FOXE3: variants seen among roughly 807,000 people sequenced by gnomAD.
FOXE3 encodes the protein forkhead box protein E3.
For missense variants in FOXE3, 520 were observed against 507.8 expected (o/e 1.02, Z -0.23); for synonymous variants, 274 against 258.3 (o/e 1.06, Z -0.58).
chr1:47,417,338 A>G lies in FOXE3; in HGVS notation c.*63A>G. The G allele has an allele frequency of 2.4e-6, 3 of 1,271,676 alleles. No homozygotes were observed. The highest frequency in any genetic ancestry group is 2.3e-5 in the South Asian group (1 of 44,208). 78.8% of individuals were successfully genotyped at this position (1,271,676 alleles called of 1,614,324 possible). ...CCCCGGACCTGCGGCGCCGCCCTCG[A>G]GCGCCCCATCTCTACCCCCCACCCT... On this transcript the variant is annotated 3_prime_UTR_variant, in exon 1 of 1. Transcript: ENST00000335071. This position sits in a 1 kb window ranked among gnomAD's most constrained non-coding sequence, Gnocchi z 4.3.
At position 47,416,981 on chromosome 1, in the gene FOXE3, G is replaced by A. The variant is rs959738363; in HGVS notation, c.666G>A (p.Leu222=). 2 of 1,353,970 alleles carry A rather than the reference G, an allele frequency of 1.5e-6. No homozygotes were observed. The highest frequency in any genetic ancestry group is 2.9e-5 in the Admixed American group (1 of 34,740). 83.9% of individuals were successfully genotyped at this position (1,353,970 alleles called of 1,614,324 possible). A position where few individuals can be genotyped will look rare whatever the true frequency, so the allele number is the denominator to read the frequency against. ...CGCGTCTGTTCAGCGTCGACAGCCTGGTGAACCTGCAGCCGGAGCTAGCGG... is the reference window on the plus strand; with the variant it reads ...CGCGTCTGTTCAGCGTCGACAGCCTAGTGAACCTGCAGCCGGAGCTAGCGG... ...PPARLFSVDS[L]VNLQPELAGL... is the part of the protein sequence containing the mutation. Residue 222 remains leucine (L), a synonymous_variant, in exon 1 of 1, where the codon CTG becomes CTA. Transcript: ENST00000335071. This position sits in a 1 kb window ranked among gnomAD's most constrained non-coding sequence, Gnocchi z 4.2.
rs2124043946 is a variant in FOXE3, at chr1:47,417,004, CG to C, written c.693del (p.Leu232TrpfsTer75). On this transcript the variant is annotated frameshift_variant, in exon 1 of 1. Coordinates refer to ENST00000335071, the MANE Select transcript of FOXE3 (RefSeq NM_012186.3). LOFTEE classifies it low-confidence loss of function (END_TRUNC). This position sits in a 1 kb window ranked among gnomAD's most constrained non-coding sequence, Gnocchi z 4.3. The part of the protein sequence containing the change: ...DSLVNLQPEL[A>X]GLGAPEPPCC... ...CTGGTGAACCTGCAGCCGGAGCTAG[CG>C]GGGCTGGGCGCCCCCGAGCCGCCCT... The C allele has an allele frequency of 7.4e-7, 1 of 1,346,280 alleles. No individual in the cohort carries two copies. The highest frequency in any genetic ancestry group is 9.6e-7 in the Non-Finnish European group (1 of 1,043,144). The allele number at this position is 1,346,280 out of a possible 1,614,324, so 83.4% of individuals were successfully genotyped here.
rs987338457 is a variant in FOXE3 at position 47,417,162 on chromosome 1, G to A, written c.847G>A (p.Ala283Thr). 5 of 1,403,270 alleles carry A rather than the reference G, an allele frequency of 3.6e-6. No individual in the cohort carries two copies. The highest frequency in any genetic ancestry group is 1.5e-5 in the South Asian group (1 of 66,016). 86.9% of individuals were successfully genotyped at this position (1,403,270 alleles called of 1,614,324 possible). A position where few individuals can be genotyped will look rare whatever the true frequency, so the allele number is the denominator to read the frequency against. Residue 283 changes from alanine (A) to threonine (T), a missense_variant, in exon 1 of 1, where the codon GCT (alanine) becomes ACT (threonine). Ala to Thr is a moderately conservative substitution (Grantham distance 58). Transcript: ENST00000335071. The surrounding 1 kb of genome is among the most constrained non-coding windows in gnomAD (Gnocchi z 4.3). The stretch of plus-strand genomic sequence containing the variant: ...GCGCCCCGGCCCCGGCCCGCTGCCC[G>A]CTGAGCCCCTCCTGGCCTTGGCCGG... Reference protein sequence around the residue: ...ATRPGPGPLPAEPLLALAGPA... With the variant: ...ATRPGPGPLPTEPLLALAGPA...
chr1:47,417,358 C>G lies in FOXE3; in HGVS notation c.*83C>G, dbSNP rs995001087. 1.7e-4 allele frequency: 193 copies of G among 1,164,334 alleles called. 1 individual carries two copies. The highest frequency in any genetic ancestry group is 1.9e-4 in the Non-Finnish European group (169 of 909,544). The allele number at this position is 1,164,334 out of a possible 1,614,324, so 72.1% of individuals were successfully genotyped here. On this transcript the variant is annotated 3_prime_UTR_variant, in exon 1 of 1. Transcript: ENST00000335071. This position sits in a 1 kb window ranked among gnomAD's most constrained non-coding sequence, Gnocchi z 4.3. ...CCTCGAGCGCCCCATCTCTACCCCC[C>G]ACCCTGGCTTGGAGCACACCCTGCG...
In FOXE3 at chr1:47,416,404, C is replaced by T; in HGVS notation, c.89C>T (p.Ser30Leu). 7.7e-7 allele frequency: 1 copy of T among 1,300,138 alleles called. No homozygotes were observed. Among genetic ancestry groups the T allele is most frequent in the Non-Finnish European group, 9.8e-7 (1 of 1,017,368 alleles). The allele number at this position is 1,300,138 out of a possible 1,614,324, so 80.5% of individuals were successfully genotyped here. ...PAVAPSGPPPSPLAGAEPGRE... is the reference protein window; with the variant it reads ...PAVAPSGPPPLPLAGAEPGRE... Reference sequence around the variant, plus strand: ...GTCGCGCCGTCGGGGCCGCCGCCGTCGCCGCTCGCAGGAGCCGAGCCAGGG... The same window carrying T: ...GTCGCGCCGTCGGGGCCGCCGCCGTTGCCGCTCGCAGGAGCCGAGCCAGGG... Residue 30 changes from serine (S) to leucine (L), a missense_variant, in exon 1 of 1, where the codon TCG becomes TTG. By Grantham distance (145) the Ser-to-Leu change is moderately radical. Coordinates refer to ENST00000335071, the MANE Select transcript of FOXE3 (RefSeq NM_012186.3). The surrounding 1 kb of genome is among the most constrained non-coding windows in gnomAD (Gnocchi z 4.2).
chr1:47,416,988 C>A lies in FOXE3; in HGVS notation c.673C>A (p.Leu225Met). Residue 225 changes from leucine (L) to methionine (M), a missense_variant, in exon 1 of 1, where the codon CTG becomes ATG. Transcript: ENST00000335071. This position sits in a 1 kb window ranked among gnomAD's most constrained non-coding sequence, Gnocchi z 4.2. ...GTTCAGCGTCGACAGCCTGGTGAAC[C>A]TGCAGCCGGAGCTAGCGGGGCTGGG... is the stretch of plus-strand genomic sequence containing the variant. Reference protein sequence around the residue: ...RLFSVDSLVNLQPELAGLGAP... With the variant: ...RLFSVDSLVNMQPELAGLGAP... 1 of 1,354,522 alleles carries A rather than the reference C, an allele frequency of 7.4e-7. No individual in the cohort carries two copies. Among genetic ancestry groups the A allele is most frequent in the Non-Finnish European group, 9.6e-7 (1 of 1,046,484 alleles). 83.9% of individuals were successfully genotyped at this position (1,354,522 alleles called of 1,614,324 possible).
chr1:47,416,423 G>A lies in FOXE3; in HGVS notation c.108G>A (p.Glu36=). The change falls in exon 1 of 1, where the codon GAG becomes GAA. Residue 36 remains glutamate (E), a synonymous_variant. Transcript: ENST00000335071. The surrounding 1 kb of genome is among the most constrained non-coding windows in gnomAD (Gnocchi z 4.2). The stretch of plus-strand genomic sequence containing the variant: ...CGCCGTCGCCGCTCGCAGGAGCCGA[G>A]CCAGGGCGGGAGCCAGAGGAGGCGG... ...GPPPSPLAGA[E]PGREPEEAAA... The A allele has an allele frequency of 8.2e-7, 1 of 1,217,836 alleles. No homozygotes were observed. The highest frequency in any genetic ancestry group is 1.0e-6 in the Non-Finnish European group (1 of 975,384). 75.4% of individuals were successfully genotyped at this position (1,217,836 alleles called of 1,614,324 possible).
At position 47,417,042 on chromosome 1, in the gene FOXE3, C is replaced by G; in HGVS notation, c.727C>G (p.Pro243Ala). 1 of 1,321,966 alleles carries G rather than the reference C, an allele frequency of 7.6e-7. No individual in the cohort carries two copies. Among genetic ancestry groups the G allele is most frequent in the Non-Finnish European group, 9.7e-7 (1 of 1,035,788 alleles). 81.9% of individuals were successfully genotyped at this position (1,321,966 alleles called of 1,614,324 possible). ...CCCCGAGCCGCCCTGCTGCGCCGCG[C>G]CCGACGCCGCAGCCGCAGCCTTCCC... is the stretch of plus-strand genomic sequence containing the variant. ...GAPEPPCCAA[P>A]DAAAAAFPPC... Residue 243 changes from proline (P) to alanine (A), a missense_variant, in exon 1 of 1, where the codon CCC (proline) becomes GCC (alanine). Coordinates refer to ENST00000335071, the MANE Select transcript of FOXE3 (RefSeq NM_012186.3). This position sits in a 1 kb window ranked among gnomAD's most constrained non-coding sequence, Gnocchi z 4.3.
In FOXE3 at chr1:47,417,149, C is replaced by T. The variant is rs886042525; in HGVS notation, c.834C>T (p.Pro278=). Residue 278 remains proline, a synonymous_variant, in exon 1 of 1, where the codon CCC becomes CCT. Transcript: ENST00000335071. The surrounding 1 kb of genome is among the most constrained non-coding windows in gnomAD (Gnocchi z 4.3). The part of the protein sequence containing the change: ...RLVLPATRPG[P]GPLPAEPLLA... ...TACTGCCCGCGACGCGCCCCGGCCC[C>T]GGCCCGCTGCCCGCTGAGCCCCTCC... The T allele has an allele frequency of 4.3e-6, 6 of 1,405,112 alleles. No homozygotes were observed. In the East Asian group the frequency reaches 1.9e-4, roughly 45 times the overall value. The allele number at this position is 1,405,112 out of a possible 1,614,324, so 87.0% of individuals were successfully genotyped here. A position where few individuals can be genotyped will look rare whatever the true frequency, so the allele number is the denominator to read the frequency against.
Position 47,417,006 on chromosome 1 carries a change from G to A in FOXE3, c.691G>A (p.Gly231Arg), listed in dbSNP as rs1646888184. The change falls in exon 1 of 1, where the codon GGG (glycine) becomes AGG (arginine). Residue 231 changes from glycine (G) to arginine (R), a missense_variant. Physicochemically the swap from Gly to Arg is moderately radical, Grantham distance 125. Coordinates refer to ENST00000335071, the MANE Select transcript of FOXE3 (RefSeq NM_012186.3). This position sits in a 1 kb window ranked among gnomAD's most constrained non-coding sequence, Gnocchi z 4.3. ...SLVNLQPELA[G>R]LGAPEPPCCA... is the part of the protein sequence containing the mutation. ...GGTGAACCTGCAGCCGGAGCTAGCG[G>A]GGCTGGGCGCCCCCGAGCCGCCCTG... is the stretch of plus-strand genomic sequence containing the variant. The A allele has an allele frequency of 2.2e-6, 3 of 1,347,888 alleles. No homozygotes were observed. The highest frequency in any genetic ancestry group is 1.6e-5 in the African/African-American group (1 of 64,364). 83.5% of individuals were successfully genotyped at this position (1,347,888 alleles called of 1,614,324 possible).
chr1:47,417,726 C>G lies in FOXE3; in HGVS notation c.*451C>G, dbSNP rs1436150419. ...CTTCTCTCATGTTTTTCCGACACTC[C>G]TGGGTCAGACTCCTGGGTTCATGAC... On this transcript the variant is annotated 3_prime_UTR_variant, in exon 1 of 1. Transcript: ENST00000335071. The surrounding 1 kb of genome is among the most constrained non-coding windows in gnomAD (Gnocchi z 4.3). 7 of 169,216 alleles carry G rather than the reference C, an allele frequency of 4.1e-5. No individual in the cohort carries two copies. The Admixed American group carries it at 4.6e-4, about 11-fold the overall frequency. The allele number at this position is 169,216 out of a possible 1,614,324, so 10.5% of individuals were successfully genotyped here.
At position 47,417,245 on chromosome 1, in the gene FOXE3, C is replaced by A; in HGVS notation, c.930C>A (p.Gly310=). ...SPGEAYLRQP[G]FASGLERYL ...GGGAGGCCTACCTGAGGCAGCCGGG[C>A]TTCGCGTCGGGGCTGGAGCGCTACC... is the stretch of plus-strand genomic sequence containing the variant. The change falls in exon 1 of 1, where the codon GGC becomes GGA. Residue 310 remains glycine (G), a synonymous_variant. Transcript: ENST00000335071. The surrounding 1 kb of genome is among the most constrained non-coding windows in gnomAD (Gnocchi z 4.3). The A allele has an allele frequency of 7.4e-7, 1 of 1,355,938 alleles. No homozygotes were observed. Among genetic ancestry groups the A allele is most frequent in the Non-Finnish European group, 9.4e-7 (1 of 1,059,750 alleles). The allele number at this position is 1,355,938 out of a possible 1,614,324, so 84.0% of individuals were successfully genotyped here.
Position 47,417,425 on chromosome 1 carries a change from C to T in FOXE3, c.*150C>T, listed in dbSNP as rs1296443865. The T allele has an allele frequency of 7.4e-6, 4 of 539,960 alleles. No individual in the cohort carries two copies. The highest frequency in any genetic ancestry group is 8.6e-6 in the Non-Finnish European group (3 of 346,912). 33.4% of individuals were successfully genotyped at this position (539,960 alleles called of 1,614,324 possible). On this transcript the variant is annotated 3_prime_UTR_variant, in exon 1 of 1. Transcript: ENST00000335071. The surrounding 1 kb of genome is among the most constrained non-coding windows in gnomAD (Gnocchi z 4.3). ...CCTGGACTCAAACTCCTGCTACATC[C>T]TTCTCCGTCCCCCATCCCTGGGGAG...
At position 47,416,812 on chromosome 1, in the gene FOXE3, G is replaced by A; in HGVS notation, c.497G>A (p.Arg166His). 1 of 1,575,432 alleles carries A rather than the reference G, an allele frequency of 6.3e-7. No homozygotes were observed. Among genetic ancestry groups the A allele is most frequent in the Non-Finnish European group, 8.6e-7 (1 of 1,163,044 alleles). The part of the protein sequence containing the change: ...DNGSFLRRRK[R>H]FKRAELPAHA... ...GGCAGCTTCCTGCGGCGCCGCAAGC[G>A]CTTCAAGCGCGCCGAGCTGCCCGCG... The change falls in exon 1 of 1, where the codon CGC (arginine) becomes CAC (histidine). Residue 166 changes from arginine (R) to histidine (H), a missense_variant. Transcript: ENST00000335071. This position sits in a 1 kb window ranked among gnomAD's most constrained non-coding sequence, Gnocchi z 4.2.
rs371048362 is a variant in FOXE3, at chr1:47,416,584, G to T, written c.269G>T (p.Arg90Leu). Reference protein sequence around the residue: ...IAMALAHAPGRRLTLAAIYRF... With the variant: ...IAMALAHAPGLRLTLAAIYRF... ...ATGGCTCTGGCGCACGCCCCGGGCCGCCGCCTCACGCTGGCCGCCATCTAC... is the reference window on the plus strand; with the variant it reads ...ATGGCTCTGGCGCACGCCCCGGGCCTCCGCCTCACGCTGGCCGCCATCTAC... The change falls in exon 1 of 1, where the codon CGC becomes CTC. Residue 90 changes from arginine to leucine, a missense_variant. Physicochemically the swap from Arg to Leu is moderately radical, Grantham distance 102. Transcript: ENST00000335071. The surrounding 1 kb of genome is among the most constrained non-coding windows in gnomAD (Gnocchi z 4.2). 1.1e-4 allele frequency: 182 copies of T among 1,599,930 alleles called. No individual in the cohort carries two copies. Among genetic ancestry groups the T allele is most frequent in the Non-Finnish European group, 1.5e-4 (175 of 1,172,592 alleles).
chr1:47,416,786 C>T lies in FOXE3; in HGVS notation c.471C>T (p.Asn157=), dbSNP rs749859478. The part of the protein sequence containing the change: ...LDPAAADMFD[N]GSFLRRRKRF... ...CCGCGGCCGCAGACATGTTCGACAACGGCAGCTTCCTGCGGCGCCGCAAGC... is the reference window on the plus strand; with the variant it reads ...CCGCGGCCGCAGACATGTTCGACAATGGCAGCTTCCTGCGGCGCCGCAAGC... The change falls in exon 1 of 1, where the codon AAC becomes AAT. Residue 157 remains asparagine, a synonymous_variant. Transcript: ENST00000335071. The surrounding 1 kb of genome is among the most constrained non-coding windows in gnomAD (Gnocchi z 4.2). The T allele has an allele frequency of 1.3e-6, 2 of 1,593,714 alleles. No homozygotes were observed. The highest frequency in any genetic ancestry group is 1.7e-6 in the Non-Finnish European group (2 of 1,171,144).
chr1:47,416,515 T>A lies in FOXE3; in HGVS notation c.200T>A (p.Leu67Gln), dbSNP rs2124042014. 5.3e-6 allele frequency: 7 copies of A among 1,326,624 alleles called. No homozygotes were observed. Among genetic ancestry groups the A allele is most frequent in the East Asian group, 4.1e-5 (1 of 24,658 alleles). 82.2% of individuals were successfully genotyped at this position (1,326,624 alleles called of 1,614,324 possible). A position where few individuals can be genotyped will look rare whatever the true frequency, so the allele number is the denominator to read the frequency against. ...PGPGRRRRRP[L>Q]QRGKPPYSYI... ...CCGGGGCGGCGGCGGCGGCGGCCCC[T>A]GCAGCGCGGGAAGCCGCCCTACTCG... The change falls in exon 1 of 1, where the codon CTG becomes CAG. Residue 67 changes from leucine to glutamine, a missense_variant. By Grantham distance (113) the Leu-to-Gln change is moderately radical. Transcript: ENST00000335071. The surrounding 1 kb of genome is among the most constrained non-coding windows in gnomAD (Gnocchi z 4.2).
rs1207385075 is a variant in FOXE3 at position 47,416,632 on chromosome 1, C to T, written c.317C>T (p.Ala106Val). 1 of 1,610,490 alleles carries T rather than the reference C, an allele frequency of 6.2e-7. No individual in the cohort carries two copies. Among genetic ancestry groups the T allele is most frequent in the Non-Finnish European group, 8.5e-7 (1 of 1,178,282 alleles). ...TACCGCTTCATCACCGAACGCTTTG[C>T]CTTCTACCGCGACAGCCCGCGCAAG... ...AIYRFITERF[A>V]FYRDSPRKWQ... The change falls in exon 1 of 1, where the codon GCC (alanine) becomes GTC (valine). Residue 106 changes from alanine (A) to valine (V), a missense_variant. Coordinates refer to ENST00000335071, the MANE Select transcript of FOXE3 (RefSeq NM_012186.3). The surrounding 1 kb of genome is among the most constrained non-coding windows in gnomAD (Gnocchi z 4.2).
Position 47,417,283 on chromosome 1 carries a change from C to T in FOXE3, c.*8C>T. The T allele has an allele frequency of 7.4e-7, 1 of 1,347,066 alleles. No homozygotes were observed. The highest frequency in any genetic ancestry group is 9.5e-7 in the Non-Finnish European group (1 of 1,050,134). 83.4% of individuals were successfully genotyped at this position (1,347,066 alleles called of 1,614,324 possible). ...CTGGAGCGCTACCTGTGAGCCTGCG[C>T]CGCGCGGGCAGGCACCTGTGCGACC... is the stretch of plus-strand genomic sequence containing the variant. On this transcript the variant is annotated 3_prime_UTR_variant, in exon 1 of 1. Transcript: ENST00000335071. The surrounding 1 kb of genome is among the most constrained non-coding windows in gnomAD (Gnocchi z 4.3).
Sources: gnomAD v4.1 joint callset for allele counts on GRCh38, gnomAD v4.1.1 for gene constraint, Gnocchi (gnomAD v3.1) non-coding constraint, MANE v1.5 for transcripts, NCBI Gene and HGNC (gene_info 2026-07-23, HGNC 2026-07-21) for gene names.